EFL1: variants seen among roughly 807,000 people sequenced by gnomAD.
The protein encoded by EFL1 is elongation factor like GTPase 1, also known as elongation factor-like GTPase 1.
Under a neutral mutation model 126.7 loss-of-function variants are expected in EFL1, and 76 were observed. The ratio of observed to expected loss-of-function variants is 0.60; its 90% confidence interval spans 0.50 to 0.73. The LOEUF (loss-of-function observed/expected upper bound fraction) is 0.73. Ranked by LOEUF, EFL1 falls within the 30% of genes least tolerant of loss-of-function variation. The pLI is 0.00. For synonymous variants in EFL1, 410 were observed against 448.4 expected (o/e 0.91, Z 1.08); for missense variants, 1,128 against 1,343.2 (o/e 0.84, Z 2.50).
At chr15:82,154,747 A>C (rs1036157867) in intron 17 of EFL1, among the ~76,000 whole-genome samples, 1 of 152,016 alleles carries the variant, frequency 6.6e-6, no homozygotes, top group African/African-American at 2.4e-5. Flanking sequence ...TCCACAGTTC[A>C]GTTTGGACTG....
chr15:82,174,789 G>A (rs575147004), intron 15 of EFL1, among the ~76,000 whole-genome samples: 1 of 152,156 alleles, frequency 6.6e-6, no homozygotes, highest in Non-Finnish European at 1.5e-5. Flanking sequence ...AATTATATGT[G>A]GGCCTGCATC....
At chr15:82,199,841 G>A (rs976444993) in intron 15 of EFL1, among the ~76,000 whole-genome samples, 7 of 152,192 alleles carry the variant, frequency 4.6e-5, no homozygotes, top group African/African-American at 1.7e-4. Context: ...TCTTAACATA[G>A]ACATTTAATG....
chr15:82,189,718 T>C (rs1443944375), intron 15 of EFL1, among the ~76,000 whole-genome samples: 1 of 152,204 alleles, frequency 6.6e-6, no homozygotes, highest in East Asian at 1.9e-4. Context: ...TCTCTTATTA[T>C]TCTTCCCAGT....
At chr15:82,164,084 CA>C (rs2074052069) in intron 15 of EFL1, 100 bp from the exon 16 acceptor site, 2 of 1,401,656 alleles carry the variant, frequency 1.4e-6, no homozygotes, top group African/African-American at 1.5e-5. Flanking sequence ...ATCACAGAGC[CA>C]AATGCTTCCA....
intron 7 of EFL1, among the ~76,000 whole-genome samples, chr15:82,234,895 A>G (rs1352742885): frequency 6.6e-6 from 1 of 152,198 alleles, no homozygotes; most frequent in African/African-American, 2.4e-5. Flanking sequence ...CAAAGTAATA[A>G]TCTTTTAACT....
intron 18 of EFL1, among the ~76,000 whole-genome samples, chr15:82,148,395 A>G (rs1470598105): frequency 6.7e-6 from 1 of 149,996 alleles, no homozygotes; most frequent in African/African-American, 2.4e-5. Context: ...AAAAAAAAAA[A>G]GTTTCAAATT....
At position 82,261,066 on chromosome 15, in the gene EFL1, T is replaced by C. The variant is rs200411320; in HGVS notation, c.91+622A>G. 1.1e-4 allele frequency among the ~76,000 whole-genome samples: 17 copies of C among 152,342 alleles called. No homozygotes were observed. In the East Asian group the frequency reaches 3.3e-3, roughly 29 times the overall value. Reference sequence around the variant, plus strand: ...CACATATATTTCCCTCTCCCCTTGATGACACATTCCCACCTGTAATGATTA... The same window carrying C: ...CACATATATTTCCCTCTCCCCTTGACGACACATTCCCACCTGTAATGATTA... On this transcript the variant is annotated intron_variant, in intron 2 of 19. Transcript: ENST00000268206.
At chr15:82,207,428 C>T (rs573444932) in intron 15 of EFL1, among the ~76,000 whole-genome samples, 5 of 151,844 alleles carry the variant, frequency 3.3e-5, no homozygotes, top group Non-Finnish European at 7.4e-5. Flanking sequence ...GCAGCAAATG[C>T]ATTTAAACGA....
At chr15:82,172,005 A>C (rs772481708) in intron 15 of EFL1, among the ~76,000 whole-genome samples, 7 of 152,068 alleles carry the variant, frequency 4.6e-5, no homozygotes, top group Admixed American at 2.0e-4. Flanking sequence ...AAGGCAACCC[A>C]ATAGGAATCT....
chr15:82,172,515 A>G (rs1435421099), intron 15 of EFL1, among the ~76,000 whole-genome samples: 2 of 152,148 alleles, frequency 1.3e-5, no homozygotes, highest in Non-Finnish European at 2.9e-5. Flanking sequence ...TACAAGAATT[A>G]CCCTCTTTGT....
chr15:82,191,873 G>C (rs1387205783), intron 15 of EFL1, among the ~76,000 whole-genome samples: 3 of 152,140 alleles, frequency 2.0e-5, no homozygotes, highest in Non-Finnish European at 4.4e-5. Context: ...AAAATCTCTG[G>C]CTGTAACTAA....
chr15:82,185,996 G>A (rs2141265437), intron 15 of EFL1, among the ~76,000 whole-genome samples: 1 of 151,920 alleles, frequency 6.6e-6, no homozygotes, highest in South Asian at 2.1e-4. Flanking sequence ...AAATACATCT[G>A]CTATTTACTT....
At chr15:82,246,310 T>C (rs1156540231) in intron 4 of EFL1, among the ~76,000 whole-genome samples, 1 of 152,070 alleles carries the variant, frequency 6.6e-6, no homozygotes, top group African/African-American at 2.4e-5. Flanking sequence ...TGGAAGGGTG[T>C]AAGAACCAGA....
intron 15 of EFL1, among the ~76,000 whole-genome samples, chr15:82,196,270 A>G (rs1218133005): frequency 6.6e-6 from 1 of 152,158 alleles, no homozygotes; most frequent in Non-Finnish European, 1.5e-5. Context: ...ACAAAGGGAA[A>G]GACCCGGGTT....
chr15:82,247,208 T>C (rs2074980864), intron 4 of EFL1, among the ~76,000 whole-genome samples: 1 of 151,954 alleles, frequency 6.6e-6, no homozygotes, highest in South Asian at 2.1e-4. Flanking sequence ...GAATCAAAGA[T>C]TGTAGAGAAG....
chr15:82,226,533 T>C lies in EFL1; in HGVS notation c.1192+917A>G, dbSNP rs1469446132. On this transcript the variant is annotated intron_variant, in intron 11 of 19. Coordinates refer to ENST00000268206, the MANE Select transcript of EFL1 (RefSeq NM_024580.6). ...CTGAGTAAATGAAAAGATTGAGGTC[T>C]CCCTAACTGAGATGGGAATGACTAG... Among the ~76,000 whole-genome samples the C allele has an allele frequency of 2.6e-5, 4 of 152,146 alleles. No homozygotes were observed. The East Asian group carries it at 5.8e-4, about 22-fold the overall frequency.
At chr15:82,163,611 A>G (rs1411382918) in intron 16 of EFL1, among the ~76,000 whole-genome samples, 1 of 152,204 alleles carries the variant, frequency 6.6e-6, no homozygotes, top group East Asian at 1.9e-4. Context: ...TGGGGGATGT[A>G]GAGATGACCT....
chr15:82,228,990 T>C lies in EFL1; in HGVS notation c.932+44A>G, dbSNP rs189634269. 8.0e-3 allele frequency: 12,075 copies of C among 1,507,448 alleles called. 72 individuals carry two copies. The highest frequency in any genetic ancestry group is 8.4e-3 in the Non-Finnish European group (9,332 of 1,108,448). 93.4% of individuals were successfully genotyped at this position (1,507,448 alleles called of 1,614,324 possible). A position where few individuals can be genotyped will look rare whatever the true frequency, so the allele number is the denominator to read the frequency against. ...CATCAAACTGGAAAGTGAGACAAAT[T>C]ATACTGCCTAAAGATGCCTAAAGGT... On this transcript the variant is annotated intron_variant, in intron 9 of 19. Coordinates refer to ENST00000268206, the MANE Select transcript of EFL1 (RefSeq NM_024580.6).
chr15:82,251,296 T>C (rs1364572070), intron 4 of EFL1, among the ~76,000 whole-genome samples: 1 of 152,174 alleles, frequency 6.6e-6, no homozygotes, highest in East Asian at 1.9e-4. Flanking sequence ...AAAATAGAGT[T>C]CAGACCATTC....
Sources: allele counts gnomAD v4.1 joint callset (sites outside exome capture counted in the v4.1 genomes callset), GRCh38; gene constraint gnomAD v4.1.1; transcripts MANE v1.5; gene names NCBI Gene and HGNC (gene_info 2026-07-23, HGNC 2026-07-21).